The following EPYC variants were observed in gnomAD, a reference collection of about 807,000 sequenced individuals.
The protein encoded by EPYC is epiphycan.
A neutral mutation model predicts 30.1 loss-of-function variants in EPYC; 28 were observed. That is an observed-to-expected ratio of 0.93 (90% CI 0.69 to 1.28). The LOEUF is 1.28. Ranked by LOEUF, EPYC falls within the 50% of genes most tolerant of loss-of-function variation. EPYC has a pLI of 0.00. For synonymous variants in EPYC, 144 were observed against 141.4 expected, an observed-to-expected ratio of 1.02 and a Z score of -0.13; for missense variants, 382 against 383.5, an observed-to-expected ratio of 1.00 and a Z score of 0.03.
chr12:91,003,476 T>A (rs539542786), intron 1 of EPYC, among the ~76,000 whole-genome samples: 73 of 152,192 alleles, frequency 4.8e-4, no homozygotes, highest in South Asian at 4.4e-3. Flanking sequence ...TAAGCACAAT[T>A]CTTATTTTCC....
intron 5 of EPYC, 85 bp downstream of exon 5, chr12:90,971,715 T>A: frequency 1.4e-5 from 7 of 485,458 alleles, no homozygotes; most frequent in Non-Finnish European, 2.3e-5. Context: ...AATAAATTTA[T>A]TTTCCCTACA....
chr12:90,975,451 A>C (rs919150466), intron 3 of EPYC, among the ~76,000 whole-genome samples: 5 of 152,020 alleles, frequency 3.3e-5, no homozygotes, highest in Non-Finnish European at 5.9e-5. Flanking sequence ...AATATTTCTA[A>C]ACTAATTTTG....
chr12:91,001,398 G>A lies in EPYC; in HGVS notation c.165+1003C>T, dbSNP rs75236726. Among the ~76,000 whole-genome samples, 1,139 of 152,142 alleles carry A rather than the reference G, an allele frequency of 7.5e-3. 12 individuals carry two copies. Among genetic ancestry groups the A allele is most frequent in the African/African-American group, 0.024 (1,006 of 41,514 alleles). ...CAAAATATGTTATGATCCTTTAAAG[G>A]TGATGTAATTTCTCTTTTTGTTTAT... On this transcript the variant is annotated intron_variant, in intron 2 of 6. Coordinates refer to ENST00000261172, the MANE Select transcript of EPYC (RefSeq NM_004950.5).
rs777931009 is a variant in EPYC at position 91,002,401 on chromosome 12, C to T, written c.165G>A (p.Glu55=). The T allele has an allele frequency of 1.9e-6, 3 of 1,610,286 alleles. No homozygotes were observed. Among genetic ancestry groups the T allele is most frequent in the East Asian group, 2.2e-5 (1 of 44,676 alleles). Residue 55 remains glutamate, a splice_region_variant and synonymous_variant, in exon 2 of 7, where the codon GAG becomes GAA. Transcript: ENST00000261172. Reference sequence around the variant, plus strand: ...TTTCAAGAGTAGGAGGATCGATTACCTCAACTTTATCAACAGGTATGTTTT... The same window carrying T: ...TTTCAAGAGTAGGAGGATCGATTACTTCAACTTTATCAACAGGTATGTTTT... The part of the protein sequence containing the change: ...NYENIPVDKV[E]IEIATVMPSG...
At chr12:90,980,335 A>G (rs1877296487) in intron 2 of EPYC, among the ~76,000 whole-genome samples, 1 of 152,220 alleles carries the variant, frequency 6.6e-6, no homozygotes, top group African/African-American at 2.4e-5. Flanking sequence ...TTTTGTGTTT[A>G]TCAAAAATTG....
At chr12:90,966,143 A>G (rs1013776720) in intron 6 of EPYC, among the ~76,000 whole-genome samples, 1 of 152,002 alleles carries the variant, frequency 6.6e-6, no homozygotes, top group Non-Finnish European at 1.5e-5. Context: ...TATTTTTCCT[A>G]ATAGTCCTAG....
chr12:90,974,498 G>T (rs1877136401), intron 3 of EPYC, among the ~76,000 whole-genome samples: 1 of 152,190 alleles, frequency 6.6e-6, no homozygotes, highest in East Asian at 1.9e-4. Context: ...TTTGTTTGAT[G>T]AAGGGAGTGA....
chr12:90,972,172 A>T (rs1309541805), intron 4 of EPYC, among the ~76,000 whole-genome samples, 170 bp from the exon 5 acceptor site: 1 of 152,194 alleles, frequency 6.6e-6, no homozygotes, highest in East Asian at 1.9e-4. Context: ...ATTCATATTT[A>T]TGTACTTAGG....
At chr12:90,993,686 GA>G (rs1435319481) in intron 2 of EPYC, among the ~76,000 whole-genome samples, 1 of 151,244 alleles carries the variant, frequency 6.6e-6, no homozygotes, top group East Asian at 1.9e-4. Flanking sequence ...CATAACACAT[GA>G]TCAGTAATAT....
intron 2 of EPYC, among the ~76,000 whole-genome samples, chr12:90,986,843 T>C (rs970725200): frequency 6.6e-6 from 1 of 152,218 alleles, no homozygotes; most frequent in Non-Finnish European, 1.5e-5. Flanking sequence ...AGCTAACTGA[T>C]ACAGTTTTTT....
At chr12:90,969,365 T>C (rs1391044661) in intron 6 of EPYC, among the ~76,000 whole-genome samples, 1 of 152,040 alleles carries the variant, frequency 6.6e-6, no homozygotes, top group Non-Finnish European at 1.5e-5. Context: ...TAATTTATAT[T>C]TAACAACCAA....
chr12:90,969,335 T>G (rs1379238919), intron 6 of EPYC, among the ~76,000 whole-genome samples: 1 of 151,868 alleles, frequency 6.6e-6, no homozygotes, highest in Non-Finnish European at 1.5e-5. Context: ...CAAACTAAAA[T>G]TTACAACTGA....
At chr12:90,991,311 G>T (rs1158417352) in intron 2 of EPYC, among the ~76,000 whole-genome samples, 1 of 152,128 alleles carries the variant, frequency 6.6e-6, no homozygotes, top group African/African-American at 2.4e-5. Flanking sequence ...GAGTGAGAAT[G>T]AGAAACGTGG....
At chr12:90,979,980 A>T (rs905274350) in intron 2 of EPYC, among the ~76,000 whole-genome samples, 1 of 152,188 alleles carries the variant, frequency 6.6e-6, no homozygotes, top group African/African-American at 2.4e-5. Flanking sequence ...ATACATGAAG[A>T]TACAATAAAG....
intron 2 of EPYC, among the ~76,000 whole-genome samples, chr12:91,000,300 G>A (rs190039533): frequency 6.6e-5 from 10 of 152,138 alleles, no homozygotes; most frequent in East Asian, 3.9e-4. Context: ...ATGTAAAGAC[G>A]CAATGCTTTA....
chr12:90,984,813 C>T (rs762435257), intron 2 of EPYC, among the ~76,000 whole-genome samples: 19 of 152,184 alleles, frequency 1.2e-4, no homozygotes, highest in East Asian at 7.8e-4. Flanking sequence ...CAAAAACCCC[C>T]GGGCTATCGG....
Position 91,002,419 on chromosome 12 carries a change from T to A in EPYC, c.147A>T (p.Ile49=). Residue 49 remains isoleucine, a synonymous_variant, in exon 2 of 7, where the codon ATA becomes ATT. Coordinates refer to ENST00000261172, the MANE Select transcript of EPYC (RefSeq NM_004950.5). Reference sequence around the variant, plus strand: ...CGATTACCTCAACTTTATCAACAGGTATGTTTTCATAGTTGTACAAATTAT... The same window carrying A: ...CGATTACCTCAACTTTATCAACAGGAATGTTTTCATAGTTGTACAAATTAT... The part of the protein sequence containing the change: ...DLDNLYNYEN[I]PVDKVEIEIA... The A allele has an allele frequency of 6.2e-7, 1 of 1,612,432 alleles. No individual in the cohort carries two copies. The highest frequency in any genetic ancestry group is 8.5e-7 in the Non-Finnish European group (1 of 1,179,308).
At chr12:90,965,985 C>A (rs1201327303) in intron 6 of EPYC, among the ~76,000 whole-genome samples, 1 of 151,818 alleles carries the variant, frequency 6.6e-6, no homozygotes, top group Non-Finnish European at 1.5e-5. Context: ...ATTTTGTAAC[C>A]TGCCACATTG....
At chr12:90,978,656 C>T (rs1157225635) in intron 2 of EPYC, among the ~76,000 whole-genome samples, 1 of 152,092 alleles carries the variant, frequency 6.6e-6, no homozygotes, top group African/African-American at 2.4e-5. Flanking sequence ...AAATTCAAAA[C>T]TCCCCTTTAC....
Sources: gnomAD v4.1 joint callset for allele counts (sites outside exome capture counted in the v4.1 genomes callset) on GRCh38, gnomAD v4.1.1 for gene constraint, MANE v1.5 for transcripts, NCBI Gene and HGNC (gene_info 2026-07-23, HGNC 2026-07-21) for gene names.